IRAG1: variants seen among roughly 807,000 people sequenced by gnomAD.
The protein encoded by IRAG1 is inositol 1,4,5-triphosphate receptor associated 1.
Under a neutral mutation model 106.2 loss-of-function variants are expected in IRAG1, and 62 were observed. That is an observed-to-expected ratio of 0.58 (90% CI 0.48 to 0.72). The LOEUF is 0.72. IRAG1 is among the 30% of genes least tolerant of loss of function. The pLI, the probability that IRAG1 is intolerant of heterozygous loss-of-function variation, is 0.00. For synonymous variants in IRAG1, 462 were observed against 443.9 expected (o/e 1.04, Z -0.51); for missense variants, 1,064 against 1,140.7 (o/e 0.93, Z 0.97).
At chr11:10,678,413 T>C (rs112309783) in intron 1 of IRAG1, among the ~76,000 whole-genome samples, 4 of 152,168 alleles carry the variant, frequency 2.6e-5, no homozygotes, top group African/African-American at 9.6e-5. Flanking sequence ...TTTAGAGCTT[T>C]CCTTTGTCTA....
At chr11:10,592,123 G>A (rs1379934527) in intron 17 of IRAG1, among the ~76,000 whole-genome samples, 1 of 152,138 alleles carries the variant, frequency 6.6e-6, no homozygotes, top group Admixed American at 6.6e-5. Context: ...AGGTTGTGTT[G>A]TTGCAATGGA....
At chr11:10,593,174 A>C (rs1404451592) in intron 17 of IRAG1, 1 of 198,792 alleles carries the variant, frequency 5.0e-6, no homozygotes, top group African/African-American at 2.4e-5. Flanking sequence ...AACTTCAGCT[A>C]CTTAAGCCCA....
At chr11:10,639,534 TC>T (rs1360495146) in intron 2 of IRAG1, among the ~76,000 whole-genome samples, 1 of 152,150 alleles carries the variant, frequency 6.6e-6, no homozygotes, top group Non-Finnish European at 1.5e-5. Flanking sequence ...CATTCTTTAC[TC>T]TCACCTCTCA....
intron 9 of IRAG1, 38 bp downstream of exon 9, chr11:10,625,928 G>GA: frequency 7.0e-7 from 1 of 1,429,144 alleles, no homozygotes; most frequent in African/African-American, 1.4e-5. Flanking sequence ...GGAGTACCTG[G>GA]AGTACACACT....
rs200480858 is a variant in IRAG1, at chr11:10,626,358, C to T, written c.976G>A (p.Val326Met). The change falls in exon 9 of 21, where the codon GTG becomes ATG. Residue 326 changes from valine to methionine, a missense_variant. Transcript: ENST00000423302. ...MALNSPQPGP[V>M]ESELGKQLLK... is the part of the protein sequence containing the mutation. ...AGCTGCTTCCCCAGCTCGCTCTCCA[C>T]GGGGCCAGGCTGAGGGCTGTTCAGG... is the stretch of plus-strand genomic sequence containing the variant. 3.1e-4 allele frequency: 499 copies of T among 1,613,608 alleles called. 2 individuals carry two copies. The highest frequency in any genetic ancestry group is 7.0e-5 in the Non-Finnish European group (83 of 1,179,786).
chr11:10,662,263 C>T (rs1421758066), intron 1 of IRAG1, among the ~76,000 whole-genome samples: 1 of 152,086 alleles, frequency 6.6e-6, no homozygotes. Context: ...AAAACTTAGC[C>T]ATCATCTGGG....
intron 1 of IRAG1, among the ~76,000 whole-genome samples, chr11:10,692,567 C>T (rs1211155009): frequency 6.6e-6 from 1 of 152,156 alleles, no homozygotes; most frequent in Non-Finnish European, 1.5e-5. Flanking sequence ...CTCCTTTGGA[C>T]CCCCAGCCTC....
intron 18 of IRAG1, among the ~76,000 whole-genome samples, chr11:10,586,390 C>T (rs561749468): frequency 6.6e-6 from 1 of 151,918 alleles, no homozygotes; most frequent in East Asian, 1.9e-4. Context: ...CCCTCCCCCA[C>T]ACCCTCTGGT....
chr11:10,689,988 T>C (rs1861936320), intron 1 of IRAG1, among the ~76,000 whole-genome samples: 1 of 152,154 alleles, frequency 6.6e-6, no homozygotes, highest in African/African-American at 2.4e-5. Context: ...TAGAAAAAAC[T>C]GAATAGAAAT....
chr11:10,673,649 G>C (rs544694052), intron 1 of IRAG1, among the ~76,000 whole-genome samples: 1 of 151,944 alleles, frequency 6.6e-6, no homozygotes, highest in African/African-American at 2.4e-5. Flanking sequence ...GTCATATGGC[G>C]TGTGGATTAT....
chr11:10,674,806 A>C (rs1278771562), intron 1 of IRAG1, among the ~76,000 whole-genome samples: 1 of 152,168 alleles, frequency 6.6e-6, no homozygotes, highest in South Asian at 2.1e-4. Flanking sequence ...CTGAGGAGGG[A>C]AGGCAAGGGA....
chr11:10,608,988 T>G (rs565565783), intron 11 of IRAG1, among the ~76,000 whole-genome samples: 1 of 152,328 alleles, frequency 6.6e-6, no homozygotes, highest in East Asian at 1.9e-4. Context: ...ATGAGTTAAT[T>G]TGTGTGTTTT....
At chr11:10,587,817 A>G (rs1024360640) in intron 18 of IRAG1, among the ~76,000 whole-genome samples, 1 of 152,074 alleles carries the variant, frequency 6.6e-6, no homozygotes, top group Non-Finnish European at 1.5e-5. Flanking sequence ...CCTCTTCTCT[A>G]TGGTCACACT....
chr11:10,631,905 A>G, intron 4 of IRAG1, 86 bp downstream of exon 4: 1 of 1,117,388 alleles, frequency 8.9e-7, no homozygotes, highest in South Asian at 1.3e-5. Context: ...CGCCTTAAAG[A>G]GCAGGAGAGA....
At position 10,578,544 on chromosome 11, in the gene IRAG1, G is replaced by C. The variant is rs531067987; in HGVS notation, c.2495+1911C>G. ...GCGATCAGCAGCTGGGCTGAACCCAGTGTTTTAAAAATGCAATAAGTAGGA... is the reference window on the plus strand; with the variant it reads ...GCGATCAGCAGCTGGGCTGAACCCACTGTTTTAAAAATGCAATAAGTAGGA... On this transcript the variant is annotated intron_variant, in intron 20 of 20. Transcript: ENST00000423302. 1.5e-3 allele frequency among the ~76,000 whole-genome samples: 236 copies of C among 152,362 alleles called. 1 individual carries two copies. The highest frequency in any genetic ancestry group is 5.4e-3 in the African/African-American group (226 of 41,594).
At chr11:10,660,388 G>A (rs769642160) in intron 1 of IRAG1, among the ~76,000 whole-genome samples, 1 of 152,294 alleles carries the variant, frequency 6.6e-6, no homozygotes, top group East Asian at 1.9e-4. Flanking sequence ...ACTATATAAT[G>A]ATTTGCTACT....
chr11:10,604,628 G>A (rs1022717029), intron 12 of IRAG1, 83 bp from the exon 13 acceptor site: 53 of 1,523,584 alleles, frequency 3.5e-5, no homozygotes, highest in Middle Eastern at 4.1e-4. Flanking sequence ...TTGCACGAGC[G>A]TTTTGCAACG....
chr11:10,601,242 G>A (rs551123200), intron 14 of IRAG1, among the ~76,000 whole-genome samples, 183 bp from the exon 15 acceptor site: 1 of 152,330 alleles, frequency 6.6e-6, no homozygotes, highest in African/African-American at 2.4e-5. Flanking sequence ...CTGCGCTTAG[G>A]GAGAATGAGA....
intron 18 of IRAG1, among the ~76,000 whole-genome samples, chr11:10,586,493 C>G (rs1227750222): frequency 2.0e-5 from 3 of 151,580 alleles, no homozygotes; most frequent in Middle Eastern, 3.2e-3. Context: ...TCTGGGCACA[C>G]TGCAACCTCC....
Sources: allele counts gnomAD v4.1 joint callset (sites outside exome capture counted in the v4.1 genomes callset), GRCh38; gene constraint gnomAD v4.1.1; transcripts MANE v1.5; gene names NCBI Gene and HGNC (gene_info 2026-07-23, HGNC 2026-07-21).